CSNK1G1: variants seen among roughly 807,000 people sequenced by gnomAD.
CSNK1G1 encodes the protein casein kinase 1 gamma 1.
In CSNK1G1, 22 loss-of-function variants were observed where a neutral mutation model predicts 59.6. That is an observed-to-expected ratio of 0.37 (90% CI 0.26 to 0.53). CSNK1G1 has a LOEUF of 0.53. Ranked by LOEUF, CSNK1G1 falls within the 20% of genes least tolerant of loss-of-function variation. The pLI, the probability that CSNK1G1 is intolerant of heterozygous loss-of-function variation, is 0.89. For synonymous variants in CSNK1G1, 179 were observed against 177.1 expected, an observed-to-expected ratio of 1.01 and a Z score of -0.08; for missense variants, 384 against 519.5, an observed-to-expected ratio of 0.74 and a Z score of 2.54.
intron 2 of CSNK1G1, among the ~76,000 whole-genome samples, chr15:64,298,296 G>A (rs1895135578): frequency 6.6e-6 from 1 of 152,132 alleles, no homozygotes; most frequent in African/African-American, 2.4e-5. Flanking sequence ...GATGTTTTGA[G>A]AATTCAAAGA....
intron 4 of CSNK1G1, among the ~76,000 whole-genome samples, chr15:64,221,885 A>T (rs1386859935): frequency 6.6e-6 from 1 of 152,150 alleles, no homozygotes; most frequent in Non-Finnish European, 1.5e-5. Context: ...TTAAGGATAT[A>T]GAACCAGAAA....
chr15:64,336,948 C>T (rs1418184809), intron 1 of CSNK1G1, among the ~76,000 whole-genome samples: 1 of 152,028 alleles, frequency 6.6e-6, no homozygotes, highest in African/African-American at 2.4e-5. Flanking sequence ...CAGAACTCGG[C>T]CGGGCGCAGT....
intron 6 of CSNK1G1, among the ~76,000 whole-genome samples, chr15:64,211,588 C>T (rs559278802): frequency 2.0e-5 from 3 of 152,042 alleles, no homozygotes; most frequent in East Asian, 1.9e-4. Context: ...AAATAATAAT[C>T]GGGATAATTA....
chr15:64,197,621 C>CTA lies in CSNK1G1; in HGVS notation c.1107+5459_1107+5460dup, dbSNP rs574451443. Among the ~76,000 whole-genome samples the CTA allele has an allele frequency of 5.3e-5, 8 of 152,304 alleles. No individual in the cohort carries two copies. In the South Asian group the frequency reaches 1.7e-3, roughly 32 times the overall value. On this transcript the variant is annotated intron_variant, in intron 10 of 11. Coordinates refer to ENST00000303052, the MANE Select transcript of CSNK1G1 (RefSeq NM_022048.5). ...GTTCAATTCTGTTTCATTTGCCCTACTATAACCCATCTAGACTCCCTCTAC... is the reference window on the plus strand; with the variant it reads ...GTTCAATTCTGTTTCATTTGCCCTACTATATAACCCATCTAGACTCCCTCTAC...
Position 64,216,479 on chromosome 15 carries a change from C to A in CSNK1G1, c.444+83G>T. 2 of 1,349,736 alleles carry A rather than the reference C, an allele frequency of 1.5e-6. No individual in the cohort carries two copies. 83.6% of individuals were successfully genotyped at this position (1,349,736 alleles called of 1,614,324 possible). A position where few individuals can be genotyped will look rare whatever the true frequency, so the allele number is the denominator to read the frequency against. ...AGTACTAATTCTTGATGTGTTGCTA[C>A]GGCTAGTAAATCACCAAAAGGCCCA... is the stretch of plus-strand genomic sequence containing the variant. On this transcript the variant is annotated intron_variant, in intron 5 of 11. Coordinates refer to ENST00000303052, the MANE Select transcript of CSNK1G1 (RefSeq NM_022048.5). The surrounding 1 kb of genome is among the most constrained non-coding windows in gnomAD (Gnocchi z 4.6).
intron 3 of CSNK1G1, among the ~76,000 whole-genome samples, chr15:64,252,199 T>C (rs1892124160): frequency 6.6e-6 from 1 of 151,872 alleles, no homozygotes; most frequent in Non-Finnish European, 1.5e-5. Context: ...TAATGTGCTA[T>C]TGAATTCAAC....
chr15:64,314,836 A>G (rs1422693089), intron 1 of CSNK1G1, among the ~76,000 whole-genome samples: 1 of 152,156 alleles, frequency 6.6e-6, no homozygotes, highest in African/African-American at 2.4e-5. Flanking sequence ...GAATATGTAT[A>G]TGTGTGTGCG....
chr15:64,236,215 C>A (rs1241880511), intron 4 of CSNK1G1, among the ~76,000 whole-genome samples: 1 of 151,552 alleles, frequency 6.6e-6, no homozygotes, highest in Non-Finnish European at 1.5e-5. Flanking sequence ...CTTTTTCTCA[C>A]TTCAATTCAT....
Position 64,216,710 on chromosome 15 carries a change from T to G in CSNK1G1, c.296A>C (p.Glu99Ala). ...RFYKQLGSAG[E>A]GLPQVYYFGP... is the part of the protein sequence containing the mutation. The stretch of plus-strand genomic sequence containing the variant: ...AAAGTAATACACCTGTGGGAGACCT[T>G]CACCTGAAAGCAGAGGGGAAATGGG... Residue 99 changes from glutamate to alanine, a missense_variant, in exon 5 of 12, where the codon GAA becomes GCA. By Grantham distance (107) the Glu-to-Ala change is moderately radical. Coordinates refer to ENST00000303052, the MANE Select transcript of CSNK1G1 (RefSeq NM_022048.5). This position sits in a 1 kb window ranked among gnomAD's most constrained non-coding sequence, Gnocchi z 4.6. 6.2e-7 allele frequency: 1 copy of G among 1,613,896 alleles called. No individual in the cohort carries two copies. The highest frequency in any genetic ancestry group is 1.7e-4 in the Middle Eastern group (1 of 6,058).
intron 1 of CSNK1G1, among the ~76,000 whole-genome samples, chr15:64,343,208 A>AACACACACAAACACACACACACACAC (rs1555405239): frequency 5.5e-5 from 6 of 109,954 alleles, no homozygotes; most frequent in Non-Finnish European, 1.1e-4. Flanking sequence ...GCAAAACTCC[A>AACACACACAAACACACACACACACAC]ACACACACAC....
chr15:64,346,659 C>T lies in CSNK1G1; in HGVS notation c.-225+9329G>A, dbSNP rs578070293. Among the ~76,000 whole-genome samples the T allele has an allele frequency of 3.3e-4, 50 of 151,910 alleles. No individual in the cohort carries two copies. In the East Asian group the frequency reaches 6.6e-3, roughly 20 times the overall value. On this transcript the variant is annotated intron_variant, in intron 1 of 11. Coordinates refer to ENST00000303052, the MANE Select transcript of CSNK1G1 (RefSeq NM_022048.5). ...TTTTAGTAGAAATGAGGTTTCACCA[C>T]ATTGGCCATGCTGGTCTCGAACCCC... is the stretch of plus-strand genomic sequence containing the variant.
intron 2 of CSNK1G1, among the ~76,000 whole-genome samples, chr15:64,289,718 A>C (rs2140382654): frequency 6.6e-6 from 1 of 152,338 alleles, no homozygotes; most frequent in African/African-American, 2.4e-5. Context: ...ATATTATAGT[A>C]TTTACAATAC....
chr15:64,265,358 G>C (rs187141570), intron 2 of CSNK1G1, among the ~76,000 whole-genome samples: 174 of 152,288 alleles, frequency 1.1e-3, no homozygotes, highest in Non-Finnish European at 1.7e-3. Flanking sequence ...GAGACCCAGA[G>C]GGAGGTAACT....
At chr15:64,271,919 C>T (rs1177739116) in intron 2 of CSNK1G1, among the ~76,000 whole-genome samples, 1 of 152,042 alleles carries the variant, frequency 6.6e-6, no homozygotes, top group South Asian at 2.1e-4. Context: ...ACTTGCTTTA[C>T]GAATCTGGGT....
intron 4 of CSNK1G1, among the ~76,000 whole-genome samples, chr15:64,217,215 T>G (rs1055094884): frequency 1.3e-5 from 2 of 152,238 alleles, no homozygotes; most frequent in African/African-American, 4.8e-5. Context: ...GCGTGCAGCC[T>G]GGCCCCAGGC....
chr15:64,281,726 G>A (rs952258332), intron 2 of CSNK1G1, among the ~76,000 whole-genome samples: 2 of 151,580 alleles, frequency 1.3e-5, no homozygotes, highest in African/African-American at 4.9e-5. Flanking sequence ...TGTAATCTCT[G>A]CTACTCAGGA....
At chr15:64,194,540 A>C (rs1351627306) in intron 10 of CSNK1G1, among the ~76,000 whole-genome samples, 1 of 129,664 alleles carries the variant, frequency 7.7e-6, no homozygotes, top group Non-Finnish European at 1.6e-5. Context: ...TTTTTGAGAC[A>C]GAGTTTTGCT....
intron 2 of CSNK1G1, among the ~76,000 whole-genome samples, chr15:64,259,475 ATC>A (rs1325808733): frequency 4.6e-4 from 63 of 136,524 alleles, no homozygotes; most frequent in African/African-American, 1.8e-3. Context: ...GAGAAAACAA[ATC>A]TCTCTTACAC....
At chr15:64,248,317 G>C (rs1891867497) in intron 4 of CSNK1G1, among the ~76,000 whole-genome samples, 1 of 152,166 alleles carries the variant, frequency 6.6e-6, no homozygotes. Flanking sequence ...CTTGTCAATT[G>C]ATCTTCTTTC....
Sources: allele counts gnomAD v4.1 joint callset (sites outside exome capture counted in the v4.1 genomes callset), GRCh38; gene constraint gnomAD v4.1.1; non-coding constraint Gnocchi (gnomAD v3.1); transcripts MANE v1.5; gene names NCBI Gene and HGNC (gene_info 2026-07-23, HGNC 2026-07-21).